PABIR2: variants seen among roughly 807,000 people sequenced by gnomAD.
The protein encoded by PABIR2 is PABIR family member 2.
Under a neutral mutation model 22.8 loss-of-function variants are expected in PABIR2, and 7 were observed. The ratio of observed to expected loss-of-function variants is 0.31; its 90% CI spans 0.17 to 0.58. The LOEUF (loss-of-function observed/expected upper bound fraction) is 0.58, where lower values mean the gene tolerates loss of function less well. Among genes scored for constraint, PABIR2 ranks in the 20% least tolerant of loss-of-function variants. The pLI is 0.89. For synonymous variants in PABIR2, 67 were observed against 73.8 expected (o/e 0.91, Z 0.47); for missense variants, 155 against 205.1 (o/e 0.76, Z 1.49).
At position 134,793,661 on chromosome X, in the gene PABIR2, C is replaced by T. The variant is rs779385249; in HGVS notation, c.177+154G>A. 3 of 702,773 alleles carry T rather than the reference C, an allele frequency of 4.3e-6. No individual in the cohort carries two copies. In the African/African-American group the frequency reaches 6.3e-5, roughly 15 times the overall value. The allele number at this position is 702,773 out of a possible 1,213,427, so 57.9% of individuals were successfully genotyped here. A position where few individuals can be genotyped will look rare whatever the true frequency, so the allele number is the denominator to read the frequency against. On this transcript the variant is annotated intron_variant, in intron 2 of 9. Transcript: ENST00000343004. ...CCATGTATCCTTTTGGTACCAAAAGCTGAATGGCCACAGCATAAGCAGTAA... is the reference window on the plus strand; with the variant it reads ...CCATGTATCCTTTTGGTACCAAAAGTTGAATGGCCACAGCATAAGCAGTAA...
At chrX:134,780,479 T>C (rs1283464345) in intron 9 of PABIR2, among the ~76,000 whole-genome samples, 5 of 111,567 alleles carry the variant, frequency 4.5e-5, no homozygotes, top group African/African-American at 1.6e-4. Context: ...CTCGGGAGGC[T>C]GAGGCAGGAG....
intron 1 of PABIR2, among the ~76,000 whole-genome samples, chrX:134,795,272 T>C (rs1019764952): frequency 3.6e-5 from 4 of 112,035 alleles, no homozygotes; most frequent in African/African-American, 1.3e-4. Context: ...GATTAATATG[T>C]TTTTGGCTAA....
intron 8 of PABIR2, 99 bp from the exon 9 acceptor site, chrX:134,782,016 T>G: frequency 2.0e-6 from 1 of 489,454 alleles, no homozygotes; most frequent in Non-Finnish European, 3.3e-6. Context: ...CTCAGAATAC[T>G]TCTTCAAACC....
intron 6 of PABIR2, 28 bp from the exon 7 acceptor site, chrX:134,787,561 GA>G: frequency 9.7e-7 from 1 of 1,036,085 alleles, no homozygotes. Context: ...AACATTACTA[GA>G]AAAAACATAT....
At chrX:134,779,757 C>A (rs1463791468) in intron 9 of PABIR2, among the ~76,000 whole-genome samples, 5 of 112,669 alleles carry the variant, frequency 4.4e-5, no homozygotes, top group Non-Finnish European at 9.4e-5. Flanking sequence ...AAAATGCTGT[C>A]ATATCTTTTA....
At chrX:134,790,730 T>G (rs1250232955) in intron 2 of PABIR2, among the ~76,000 whole-genome samples, 1 of 111,628 alleles carries the variant, frequency 9.0e-6, no homozygotes, top group Non-Finnish European at 1.9e-5. Context: ...TAAGGGAGAC[T>G]GGAGTATAAG....
At position 134,771,696 on chromosome X, in the gene PABIR2, G is replaced by T; in HGVS notation, c.*443C>A. ...AATTTATATATCATCATGAAATAAA[G>T]AGAGATTTGAAACTATGTAGTCAAC... On this transcript the variant is annotated 3_prime_UTR_variant, in exon 10 of 10. Coordinates refer to ENST00000343004, the MANE Select transcript of PABIR2 (RefSeq NM_001387468.1). 1.3e-6 allele frequency: 1 copy of T among 787,690 alleles called. No homozygotes were observed. The highest frequency in any genetic ancestry group is 1.5e-6 in the Non-Finnish European group (1 of 659,813). 64.9% of individuals were successfully genotyped at this position (787,690 alleles called of 1,213,427 possible). A position where few individuals can be genotyped will look rare whatever the true frequency, so the allele number is the denominator to read the frequency against.
rs200370983 is a variant in PABIR2 at position 134,772,250 on chromosome X, A to G, written c.693T>C (p.Ser231=). Residue 231 remains serine (S), a synonymous_variant, in exon 10 of 10, where the codon AGT becomes AGC. Transcript: ENST00000343004. ...SDILDGSSSS[S]GLSSDPLAKG... ...TAGCCAGCGGGTCTGAGGATAAGCC[A>G]CTGCTGCTACTACTGCCATCCAAAA... The G allele has an allele frequency of 8.4e-7, 1 of 1,193,682 alleles. No individual in the cohort carries two copies. The highest frequency in any genetic ancestry group is 1.1e-6 in the Non-Finnish European group (1 of 885,169).
intron 1 of PABIR2, 68 bp downstream of exon 1, chrX:134,796,040 G>A: frequency 9.5e-7 from 1 of 1,052,741 alleles, no homozygotes; most frequent in Non-Finnish European, 1.3e-6. Context: ...CTTTAAGGAA[G>A]GAAGATTGCT....
intron 2 of PABIR2, among the ~76,000 whole-genome samples, chrX:134,793,135 G>C (rs1359531735): frequency 8.9e-6 from 1 of 111,776 alleles, no homozygotes; most frequent in African/African-American, 3.3e-5. Flanking sequence ...GAGGTCAGAG[G>C]CTCTCCTATA....
At chrX:134,788,896 A>G in intron 5 of PABIR2, 65 bp from the exon 6 acceptor site, 2 of 1,046,427 alleles carry the variant, frequency 1.9e-6, no homozygotes, top group Middle Eastern at 3.2e-4. Context: ...ACTTACTACT[A>G]TAACACACCC....
At chrX:134,791,183 G>C (rs1011609436) in intron 2 of PABIR2, among the ~76,000 whole-genome samples, 2 of 110,419 alleles carry the variant, frequency 1.8e-5, no homozygotes, top group African/African-American at 3.3e-5. Flanking sequence ...AGAAACAACA[G>C]GGCAATGTGT....
At chrX:134,791,561 T>C (rs1431410443) in intron 2 of PABIR2, 3 of 311,160 alleles carry the variant, frequency 9.6e-6, no homozygotes, top group Non-Finnish European at 1.8e-5. Context: ...CCGTGAGGAA[T>C]AGGGAAAAGA....
intron 9 of PABIR2, among the ~76,000 whole-genome samples, chrX:134,780,350 C>T (rs1415657828): frequency 2.7e-5 from 3 of 111,842 alleles, no homozygotes; most frequent in Non-Finnish European, 5.6e-5. Context: ...CCGAGGTGGG[C>T]GGATCACCTG....
chrX:134,787,565 A>C (rs1181865577), intron 6 of PABIR2, 32 bp from the exon 7 acceptor site: 1 of 1,136,958 alleles, frequency 8.8e-7, no homozygotes. Flanking sequence ...TTACTAGAAA[A>C]AACATATTCA....
intron 6 of PABIR2, 42 bp from the exon 7 acceptor site, chrX:134,787,575 A>G (rs758610794): frequency 9.5e-7 from 1 of 1,056,526 alleles, no homozygotes; most frequent in Non-Finnish European, 1.3e-6. Context: ...AAACATATTC[A>G]ATATTAAAAT....
intron 7 of PABIR2, among the ~76,000 whole-genome samples, chrX:134,787,054 G>A (rs1242529549): frequency 9.1e-6 from 1 of 109,647 alleles, no homozygotes; most frequent in African/African-American, 3.3e-5. Flanking sequence ...CACTTTTGAT[G>A]TCTGAAAATT....
At chrX:134,787,612 T>A in intron 6 of PABIR2, 79 bp from the exon 7 acceptor site, 74 of 237,836 alleles carry the variant, frequency 3.1e-4, no homozygotes, top group Non-Finnish European at 4.3e-4. Flanking sequence ...TTTTCTTTCT[T>A]TTTTTTTTTT....
At chrX:134,778,844 G>A (rs756239879) in intron 9 of PABIR2, among the ~76,000 whole-genome samples, 101 of 109,170 alleles carry the variant, frequency 9.3e-4, no homozygotes, top group Middle Eastern at 9.4e-3. Flanking sequence ...ACAGAGTCTC[G>A]CTCTGTCGCC....
Sources: gnomAD v4.1 joint callset for allele counts (sites outside exome capture counted in the v4.1 genomes callset) on GRCh38, gnomAD v4.1.1 for gene constraint, MANE v1.5 for transcripts, NCBI Gene and HGNC (gene_info 2026-07-23, HGNC 2026-07-21) for gene names.